Variants in NRG1 observed in about 807,000 individuals in gnomAD.
NRG1 encodes neuregulin 1.
NRG1 carries 18 observed loss-of-function variants against 63.8 expected under a neutral mutation model. The ratio of observed to expected loss-of-function variants is 0.28; its 90% CI spans 0.19 to 0.42. The LOEUF (loss-of-function observed/expected upper bound fraction) is 0.42. Among genes scored for constraint, NRG1 ranks in the 10% least tolerant of loss-of-function variants. The pLI is 1.00. For synonymous variants in NRG1, 302 were observed against 301.3 expected (o/e 1.00, Z -0.02); for missense variants, 762 against 814.7 (o/e 0.94, Z 0.79).
chr8:31,870,988 A>T (rs183348789), intron 1 of NRG1, among the ~76,000 whole-genome samples: 1 of 148,888 alleles, frequency 6.7e-6, no homozygotes, highest in African/African-American at 2.5e-5. Context: ...GTGTTGTCAG[A>T]TCCACACTTT....
At chr8:32,039,971 A>G (rs980465626) in intron 1 of NRG1, among the ~76,000 whole-genome samples, 1 of 152,108 alleles carries the variant, frequency 6.6e-6, no homozygotes, top group African/African-American at 2.4e-5. Flanking sequence ...GCAGTGAGCC[A>G]TTATCACACC....
downstream of NRG1, among the ~76,000 whole-genome samples, chr8:32,771,775 C>T (rs138822921): frequency 0.01 from 1,451 of 142,300 alleles, 22 homozygotes; most frequent in African/African-American, 0.035. Context: ...GTAATCCCAG[C>T]ACTTTGGGAG....
At chr8:32,043,192 GA>G (rs1201780755) in intron 1 of NRG1, among the ~76,000 whole-genome samples, 2 of 151,174 alleles carry the variant, frequency 1.3e-5, no homozygotes, top group African/African-American at 4.9e-5. Context: ...AAAAAAGCCT[GA>G]AAAAAAATGA....
intron 1 of NRG1, among the ~76,000 whole-genome samples, chr8:32,437,249 TC>T (rs1563463280): frequency 6.6e-6 from 1 of 152,046 alleles, no homozygotes; most frequent in Admixed American, 6.6e-5. Context: ...TCCCGCAGCT[TC>T]CCCCAATGCC....
At chr8:32,506,486 A>G (rs751758502) in intron 1 of NRG1, among the ~76,000 whole-genome samples, 7 of 152,202 alleles carry the variant, frequency 4.6e-5, no homozygotes, top group African/African-American at 1.7e-4. Context: ...TTTCCTCCTT[A>G]TGACAAACAA....
In NRG1 at chr8:32,500,358, C is replaced by G. The variant is rs370633291; in HGVS notation, c.38-95470C>G. Among the ~76,000 whole-genome samples, 4 of 152,220 alleles carry G rather than the reference C, an allele frequency of 2.6e-5. No homozygotes were observed. In the South Asian group the frequency reaches 6.2e-4, roughly 24 times the overall value. ...AGGACTCTAAAACATTCTGAGTTTC[C>G]CGGGCCTGCCAGAAAGTTACCTTCC... On this transcript the variant is annotated intron_variant, in intron 1 of 10. Transcript: ENST00000519301.
At chr8:32,132,533 G>A (rs780896257) in intron 1 of NRG1, among the ~76,000 whole-genome samples, 12 of 152,004 alleles carry the variant, frequency 7.9e-5, no homozygotes, top group African/African-American at 1.4e-4. Context: ...CTAAAGGGGC[G>A]CTGTAACTTT....
chr8:31,930,668 AT>A (rs367558099), intron 1 of NRG1, among the ~76,000 whole-genome samples: 2,220 of 152,218 alleles, frequency 0.015, 43 homozygotes, highest in African/African-American at 0.051. Flanking sequence ...TAGAAATTGT[AT>A]TTTTTTGAAG....
chr8:32,316,345 G>A (rs1386997576), intron 1 of NRG1, among the ~76,000 whole-genome samples: 1 of 151,940 alleles, frequency 6.6e-6, no homozygotes, highest in Non-Finnish European at 1.5e-5. Flanking sequence ...GCTTGGTGGC[G>A]CATGCCTGTA....
At chr8:32,316,408 G>A (rs182026529) in intron 1 of NRG1, among the ~76,000 whole-genome samples, 2,208 of 151,436 alleles carry the variant, frequency 0.015, 51 homozygotes, top group African/African-American at 0.05. Context: ...CCTGGGAGGC[G>A]GAGGGTGCAG....
intron 1 of NRG1, among the ~76,000 whole-genome samples, chr8:32,491,034 A>C (rs140537345): frequency 3.9e-4 from 59 of 152,298 alleles, no homozygotes; most frequent in African/African-American, 1.3e-3. Context: ...TGAGAGAACT[A>C]ATTTTTCCCC....
intron 1 of NRG1, among the ~76,000 whole-genome samples, chr8:32,185,321 A>G (rs1249200761): frequency 1.3e-5 from 2 of 152,102 alleles, no homozygotes; most frequent in Non-Finnish European, 2.9e-5. Context: ...TTCTTCCTTA[A>G]TAGGATGTAT....
intron 1 of NRG1, among the ~76,000 whole-genome samples, chr8:31,996,460 G>A (rs76684727): frequency 0.013 from 2,014 of 152,040 alleles, 36 homozygotes; most frequent in African/African-American, 0.043. Context: ...GGCCGGGCAC[G>A]GAGGTTCATT....
intron 5 of NRG1, among the ~76,000 whole-genome samples, chr8:32,706,712 G>T (rs2128972859): frequency 6.6e-6 from 1 of 152,164 alleles, no homozygotes; most frequent in African/African-American, 2.4e-5. Context: ...CCTTTATAAT[G>T]GTCCCTGAGA....
intron 1 of NRG1, among the ~76,000 whole-genome samples, chr8:32,110,299 AATGTC>A (rs1831838699): frequency 6.9e-6 from 1 of 145,830 alleles, no homozygotes; most frequent in African/African-American, 2.7e-5. Flanking sequence ...GCTAGAAAAA[AATGTC>A]AGAGAAGAAA....
intron 1 of NRG1, among the ~76,000 whole-genome samples, chr8:31,848,034 A>T (rs1826851844): frequency 6.6e-6 from 1 of 152,224 alleles, no homozygotes; most frequent in Non-Finnish European, 1.5e-5. Flanking sequence ...AAACCTCTAG[A>T]AGATTAAATT....
intron 1 of NRG1, among the ~76,000 whole-genome samples, chr8:31,984,873 C>T (rs1002998858): frequency 6.6e-6 from 1 of 152,036 alleles, no homozygotes; most frequent in Non-Finnish European, 1.5e-5. Context: ...CTTTGCAGCT[C>T]TTATTGACTG....
At chr8:31,798,296 A>G (rs1283689205) in intron 1 of NRG1, among the ~76,000 whole-genome samples, 1 of 152,208 alleles carries the variant, frequency 6.6e-6, no homozygotes, top group Admixed American at 6.5e-5. Flanking sequence ...TGCATTACAT[A>G]CATGTATTGA....
At chr8:32,579,512 C>T (rs1439213107) in intron 1 of NRG1, among the ~76,000 whole-genome samples, 2 of 152,178 alleles carry the variant, frequency 1.3e-5, no homozygotes, top group African/African-American at 4.8e-5. Flanking sequence ...CTCCATTCCT[C>T]AGCTTCTGTG....
Sources: gnomAD v4.1 joint callset for allele counts (sites outside exome capture counted in the v4.1 genomes callset) on GRCh38, gnomAD v4.1.1 for gene constraint, MANE v1.5 for transcripts, NCBI Gene and HGNC (gene_info 2026-07-23, HGNC 2026-07-21) for gene names.